The following WDPCP variants were observed in gnomAD, a reference collection of about 807,000 sequenced individuals.
The protein encoded by WDPCP is WD repeat-containing and planar cell polarity effector protein fritz homolog.
Under a neutral mutation model 93.1 loss-of-function variants are expected in WDPCP, and 71 were observed. That is an observed-to-expected ratio of 0.76 (90% CI 0.63 to 0.93). The LOEUF (loss-of-function observed/expected upper bound fraction) is 0.93. WDPCP is among the 40% of genes least tolerant of loss of function. WDPCP has a pLI of 0.00. For missense variants in WDPCP, 844 were observed against 887.4 expected (o/e 0.95, Z 0.62); for synonymous variants, 315 against 315.0 (o/e 1.00, Z 0.00).
chr2:63,656,616 T>C (rs531907957), intron 2 of WDPCP, among the ~76,000 whole-genome samples: 1 of 152,306 alleles, frequency 6.6e-6, no homozygotes, highest in Admixed American at 6.5e-5. Context: ...AAGTCAAGAT[T>C]AAAAGCCGAC....
chr2:63,755,431 T>C (rs1575765324), intron 2 of WDPCP, among the ~76,000 whole-genome samples: 1 of 152,164 alleles, frequency 6.6e-6, no homozygotes, highest in African/African-American at 2.4e-5. Context: ...GTGCCTTTTA[T>C]TACAGTGGAA....
intron 3 of WDPCP, chr2:63,599,289 TC>T: frequency 6.2e-7 from 1 of 1,609,658 alleles, no homozygotes; most frequent in African/African-American, 1.3e-5. Flanking sequence ...GAGCTAAAGC[TC>T]AAGTAAGAAA....
chr2:63,828,706 G>A (rs1345483483), upstream of WDPCP, among the ~76,000 whole-genome samples: 3 of 151,964 alleles, frequency 2.0e-5, no homozygotes, highest in Non-Finnish European at 4.4e-5. Context: ...CTTAGCATTG[G>A]TTTTCTTTGT....
At chr2:63,769,978 A>G (rs1670201092) in intron 2 of WDPCP, among the ~76,000 whole-genome samples, 1 of 151,926 alleles carries the variant, frequency 6.6e-6, no homozygotes, top group South Asian at 2.1e-4. Flanking sequence ...TTAAGCAGGT[A>G]GAGTCCCCCC....
intron 2 of WDPCP, among the ~76,000 whole-genome samples, chr2:63,751,010 C>T (rs908655934): frequency 6.6e-6 from 1 of 152,034 alleles, no homozygotes; most frequent in Non-Finnish European, 1.5e-5. Context: ...AAAGTGTTCC[C>T]TCCTTCTGTT....
intron 14 of WDPCP, among the ~76,000 whole-genome samples, chr2:63,241,976 G>A (rs575650002): frequency 1.3e-5 from 2 of 152,244 alleles, no homozygotes; most frequent in South Asian, 4.1e-4. Context: ...ACATGGTAAT[G>A]TAGTGATGAC....
At position 63,121,908 on chromosome 2, in the gene WDPCP, C is replaced by T; in HGVS notation, c.*98G>A. On this transcript the variant is annotated 3_prime_UTR_variant, in exon 18 of 18. Coordinates refer to ENST00000272321, the MANE Select transcript of WDPCP (RefSeq NM_015910.7). ...TCTTAACTAATTTATATGATTCATACTGTCTCTTGTTAAAAATCCACACGG... is the reference window on the plus strand; with the variant it reads ...TCTTAACTAATTTATATGATTCATATTGTCTCTTGTTAAAAATCCACACGG... The T allele has an allele frequency of 2.5e-6, 4 of 1,579,794 alleles. No homozygotes were observed. The highest frequency in any genetic ancestry group is 3.4e-6 in the Non-Finnish European group (4 of 1,167,372).
intron 1 of WDPCP, among the ~76,000 whole-genome samples, chr2:63,575,953 G>A (rs1410199990): frequency 1.3e-5 from 2 of 151,842 alleles, no homozygotes; most frequent in Non-Finnish European, 2.9e-5. Context: ...TCATAATTTG[G>A]CATTAAGAGT....
At chr2:63,304,249 A>G (rs1162793059) in intron 13 of WDPCP, among the ~76,000 whole-genome samples, 1 of 152,208 alleles carries the variant, frequency 6.6e-6, no homozygotes, top group Non-Finnish European at 1.5e-5. Context: ...GTCTTCATCA[A>G]TGGTTGATTG....
At chr2:63,813,983 C>T (rs1317112154) in intron 1 of WDPCP, among the ~76,000 whole-genome samples, 1 of 152,090 alleles carries the variant, frequency 6.6e-6, no homozygotes, top group Non-Finnish European at 1.5e-5. Flanking sequence ...TAAATGTTTG[C>T]TGATAACTAG....
intron 3 of WDPCP, 22 bp downstream of exon 3, chr2:63,487,425 T>C (rs1558700156): frequency 3.2e-6 from 5 of 1,546,366 alleles, no homozygotes; most frequent in Non-Finnish European, 3.6e-6. Context: ...TAAAAATTAA[T>C]TGCACAGAAT....
intron 2 of WDPCP, among the ~76,000 whole-genome samples, chr2:63,799,325 T>C (rs922704687): frequency 6.6e-6 from 1 of 152,322 alleles, no homozygotes; most frequent in East Asian, 1.9e-4. Flanking sequence ...ATTGGTATTC[T>C]AGAAACAGAC....
At chr2:63,329,331 G>A (rs965939455) in intron 12 of WDPCP, among the ~76,000 whole-genome samples, 4 of 152,158 alleles carry the variant, frequency 2.6e-5, no homozygotes, top group East Asian at 1.9e-4. Flanking sequence ...AATGTGCTCC[G>A]GGTTCATCCA....
At chr2:63,362,277 T>TGGGTGTGTGTGTG (rs1553362984) in intron 12 of WDPCP, among the ~76,000 whole-genome samples, 3 of 94,102 alleles carry the variant, frequency 3.2e-5, no homozygotes, top group Non-Finnish European at 3.8e-5. Context: ...TTTTTTTTGG[T>TGGGTGTGTGTGTG]TGTGTGTGTG....
intron 2 of WDPCP, among the ~76,000 whole-genome samples, chr2:63,745,600 T>C (rs368776863): frequency 6.6e-6 from 1 of 152,070 alleles, no homozygotes; most frequent in Non-Finnish European, 1.5e-5. Flanking sequence ...ATTGGTCTTA[T>C]AGCTCTGCAT....
intron 15 of WDPCP, 21 bp downstream of exon 15, chr2:63,174,649 C>T (rs768591606): frequency 1.9e-6 from 3 of 1,613,404 alleles, no homozygotes; most frequent in Non-Finnish European, 2.5e-6. Flanking sequence ...GGAGCAATTT[C>T]CTCAGTTCAA....
intron 9 of WDPCP, among the ~76,000 whole-genome samples, chr2:63,431,136 G>A (rs1224678550): frequency 3.7e-5 from 5 of 136,870 alleles, no homozygotes; most frequent in Non-Finnish European, 7.7e-5. Flanking sequence ...GGTCTGTTAT[G>A]TAAAAAAGAT....
At chr2:63,764,931 A>C (rs961858073) in intron 2 of WDPCP, among the ~76,000 whole-genome samples, 1 of 152,218 alleles carries the variant, frequency 6.6e-6, no homozygotes, top group Admixed American at 6.5e-5. Context: ...TAAATAAAAA[A>C]TTGAAAATGG....
intron 10 of WDPCP, among the ~76,000 whole-genome samples, chr2:63,401,148 A>T (rs2105146048): frequency 1.3e-5 from 2 of 152,322 alleles, no homozygotes; most frequent in South Asian, 4.1e-4. Flanking sequence ...GACAAATGGG[A>T]TCTAATTAAA....
Sources: allele counts gnomAD v4.1 joint callset (sites outside exome capture counted in the v4.1 genomes callset), GRCh38; gene constraint gnomAD v4.1.1; transcripts MANE v1.5; gene names NCBI Gene and HGNC (gene_info 2026-07-23, HGNC 2026-07-21).